The following ACOXL variants were observed in gnomAD, a reference collection of about 807,000 sequenced individuals.
ACOXL encodes acyl-coenzyme A oxidase-like protein.
ACOXL carries 70 observed loss-of-function variants against 71.9 expected under a neutral mutation model. That is an observed-to-expected ratio of 0.97 (90% confidence interval 0.80 to 1.19). ACOXL has a LOEUF of 1.19. Ranked by LOEUF, ACOXL falls within the 50% of genes most tolerant of loss-of-function variation. The pLI, the probability that ACOXL is intolerant of heterozygous loss-of-function variation, is 0.00. For synonymous variants in ACOXL, 253 were observed against 281.6 expected (o/e 0.90, Z 1.02); for missense variants, 703 against 736.3 (o/e 0.95, Z 0.52).
chr2:110,874,956 G>A (rs1393260058), intron 10 of ACOXL, among the ~76,000 whole-genome samples: 2 of 152,162 alleles, frequency 1.3e-5, no homozygotes, highest in African/African-American at 2.4e-5. Flanking sequence ...CTGGGAGCGG[G>A]ATTCTCACTG....
At chr2:111,080,876 T>A (rs1010107430) in intron 16 of ACOXL, among the ~76,000 whole-genome samples, 2 of 152,052 alleles carry the variant, frequency 1.3e-5, no homozygotes, top group African/African-American at 4.8e-5. Flanking sequence ...CACATACAAA[T>A]CAACAAACAT....
At chr2:110,893,923 GA>G (rs971970408) in intron 10 of ACOXL, among the ~76,000 whole-genome samples, 3 of 152,054 alleles carry the variant, frequency 2.0e-5, no homozygotes, top group African/African-American at 2.4e-5. Context: ...TTTAAAGGGA[GA>G]AAATATGACA....
intron 1 of ACOXL, among the ~76,000 whole-genome samples, chr2:110,749,317 G>A (rs920782254): frequency 3.3e-5 from 5 of 151,998 alleles, no homozygotes; most frequent in African/African-American, 1.2e-4. Flanking sequence ...TTTTTATTTT[G>A]CAATAATTTT....
At chr2:110,912,106 T>C (rs1478743379) in intron 11 of ACOXL, among the ~76,000 whole-genome samples, 2 of 152,060 alleles carry the variant, frequency 1.3e-5, no homozygotes, top group Admixed American at 6.5e-5. Flanking sequence ...AGGATAAATT[T>C]AACAAAGAAG....
At chr2:110,790,961 A>G (rs1432851651) in intron 3 of ACOXL, among the ~76,000 whole-genome samples, 1 of 152,198 alleles carries the variant, frequency 6.6e-6, no homozygotes, top group Admixed American at 6.5e-5. Context: ...CTCTGTCTCC[A>G]GAATCTACCC....
At chr2:110,783,124 C>G (rs1332135917) in intron 2 of ACOXL, among the ~76,000 whole-genome samples, 2 of 152,202 alleles carry the variant, frequency 1.3e-5, no homozygotes, top group Non-Finnish European at 2.9e-5. Context: ...CCAGGTGACT[C>G]TGGTGGGACA....
chr2:111,103,347 GT>G (rs572093044), intron 17 of ACOXL, among the ~76,000 whole-genome samples: 62 of 152,054 alleles, frequency 4.1e-4, no homozygotes, highest in African/African-American at 1.4e-3. Context: ...GCATGTAGGG[GT>G]GACCGCATTT....
intron 12 of ACOXL, among the ~76,000 whole-genome samples, chr2:110,945,534 C>G (rs933250355): frequency 6.6e-6 from 1 of 152,004 alleles, no homozygotes; most frequent in Non-Finnish European, 1.5e-5. Context: ...CTGTAAGGAA[C>G]GGGTCCAGTT....
intron 15 of ACOXL, among the ~76,000 whole-genome samples, chr2:111,037,162 C>T (rs531735699): frequency 1.6e-4 from 24 of 152,256 alleles, no homozygotes; most frequent in Admixed American, 1.2e-3. Context: ...GGTTCCCTCC[C>T]CAAGCTTCTC....
At chr2:110,786,057 C>T (rs945226913) in intron 3 of ACOXL, among the ~76,000 whole-genome samples, 3 of 152,190 alleles carry the variant, frequency 2.0e-5, no homozygotes, top group East Asian at 3.8e-4. Flanking sequence ...CTCAGGTGGG[C>T]GTGTCTGCTG....
chr2:110,876,715 G>A (rs1055715463), intron 10 of ACOXL, among the ~76,000 whole-genome samples: 2 of 152,156 alleles, frequency 1.3e-5, no homozygotes, highest in Non-Finnish European at 2.9e-5. Context: ...TGGCACAGAC[G>A]GGTCGGAATC....
intron 14 of ACOXL, among the ~76,000 whole-genome samples, chr2:111,001,757 A>G (rs1352257708): frequency 6.6e-6 from 1 of 152,242 alleles, no homozygotes; most frequent in African/African-American, 2.4e-5. Context: ...CTTAAGGAAT[A>G]ACACCTGAGG....
intron 12 of ACOXL, among the ~76,000 whole-genome samples, chr2:110,964,581 C>T (rs2061844957): frequency 6.6e-6 from 1 of 152,248 alleles, no homozygotes; most frequent in Non-Finnish European, 1.5e-5. Context: ...ACAGCCTACT[C>T]CGCACCTAGG....
At chr2:110,963,686 T>C (rs750903489) in intron 12 of ACOXL, 1 of 1,614,086 alleles carries the variant, frequency 6.2e-7, no homozygotes, top group Non-Finnish European at 8.5e-7. Context: ...TTGCCACTTT[T>C]GAAGGTGACG....
At chr2:110,866,495 C>T (rs1004681648) in intron 10 of ACOXL, among the ~76,000 whole-genome samples, 3 of 151,910 alleles carry the variant, frequency 2.0e-5, no homozygotes, top group African/African-American at 4.8e-5. Flanking sequence ...AGCAAGGCAA[C>T]GTGGAGCCAG....
At chr2:111,111,511 G>A (rs1414949613) in intron 17 of ACOXL, among the ~76,000 whole-genome samples, 1 of 152,158 alleles carries the variant, frequency 6.6e-6, no homozygotes, top group Non-Finnish European at 1.5e-5. Context: ...ATGCTACTAT[G>A]AGCAGCATTG....
intron 16 of ACOXL, among the ~76,000 whole-genome samples, chr2:111,080,203 TG>T (rs1157834524): frequency 6.6e-6 from 1 of 151,962 alleles, no homozygotes; most frequent in East Asian, 1.9e-4. Flanking sequence ...AAGGATTTTT[TG>T]TGTCTCTATC....
chr2:110,975,545 C>A (rs139763913), intron 12 of ACOXL, among the ~76,000 whole-genome samples: 1 of 151,666 alleles, frequency 6.6e-6, no homozygotes, highest in Non-Finnish European at 1.5e-5. Flanking sequence ...TCATAATAAC[C>A]ATCATCACAC....
rs1010776279 is a variant in ACOXL, at chr2:111,049,729, A to G, written c.1440+441A>G. Among the ~76,000 whole-genome samples, 5 of 152,194 alleles carry G rather than the reference A, an allele frequency of 3.3e-5. No homozygotes were observed. The East Asian group carries it at 9.6e-4, about 29-fold the overall frequency. On this transcript the variant is annotated intron_variant, in intron 16 of 17. Coordinates refer to ENST00000439055, the MANE Select transcript of ACOXL (RefSeq NM_001142807.4). ...TACACAAATTAGACTGTTCATATTC[A>G]CCACCAGAATGAGCATCTTATGTCA...
Sources: allele counts gnomAD v4.1 joint callset (sites outside exome capture counted in the v4.1 genomes callset), GRCh38; gene constraint gnomAD v4.1.1; transcripts MANE v1.5; gene names NCBI Gene and HGNC (gene_info 2026-07-23, HGNC 2026-07-21).